The following DSCAML1 variants were observed in gnomAD, a reference collection of about 807,000 sequenced individuals.
The protein encoded by DSCAML1 is cell adhesion molecule DSCAML1.
In DSCAML1, 38 loss-of-function variants were observed where a neutral mutation model predicts 200.5. The ratio of observed to expected loss-of-function variants is 0.19; its 90% CI spans 0.15 to 0.25. DSCAML1 has a LOEUF of 0.25. Among genes scored for constraint, DSCAML1 ranks in the 10% least tolerant of loss-of-function variants. DSCAML1 has a pLI of 1.00. For missense variants in DSCAML1, 2,223 were observed against 2,858.8 expected (o/e 0.78, Z 5.07); for synonymous variants, 1,215 against 1,165.0 (o/e 1.04, Z -0.87).
chr11:117,470,095 G>T, intron 15 of DSCAML1, 115 bp from the exon 16 acceptor site: 1 of 915,200 alleles, frequency 1.1e-6, no homozygotes, highest in Non-Finnish European at 1.6e-6. Flanking sequence ...AGAAGACTAA[G>T]CTCAGATGCA....
intron 3 of DSCAML1, among the ~76,000 whole-genome samples, chr11:117,772,214 T>G (rs2055052019): frequency 6.6e-6 from 1 of 152,160 alleles, no homozygotes. Context: ...TTTGGCACCC[T>G]GGAACTCTGG....
intron 15 of DSCAML1, 66 bp downstream of exon 15, chr11:117,471,803 G>GCAAGCTCATTGCCAGTGAACAGGATGT: frequency 8.2e-7 from 1 of 1,226,134 alleles, no homozygotes; most frequent in South Asian, 2.0e-5. Flanking sequence ...GAACAGGATC[G>GCAAGCTCATTGCCAGTGAACAGGATGT]CTGTAGGCCC....
chr11:117,788,941 T>C (rs908722943), intron 1 of DSCAML1, among the ~76,000 whole-genome samples: 1 of 152,182 alleles, frequency 6.6e-6, no homozygotes. Flanking sequence ...AATTGGGGTA[T>C]GATAATTCAG....
intron 24 of DSCAML1, among the ~76,000 whole-genome samples, chr11:117,438,318 C>CA (rs1555167794): frequency 8.0e-6 from 1 of 125,308 alleles, no homozygotes; most frequent in East Asian, 6.1e-4. Flanking sequence ...GTCCAGCCCC[C>CA]GGCGGGTCTG....
At chr11:117,573,763 A>G (rs1394038083) in intron 3 of DSCAML1, among the ~76,000 whole-genome samples, 2 of 152,258 alleles carry the variant, frequency 1.3e-5, no homozygotes, top group Non-Finnish European at 2.9e-5. Flanking sequence ...AAAGGGTGGT[A>G]TCTCAAGAAG....
chr11:117,702,053 C>T (rs886535696), intron 3 of DSCAML1, among the ~76,000 whole-genome samples: 3 of 152,206 alleles, frequency 2.0e-5, no homozygotes, highest in Admixed American at 1.3e-4. Context: ...CACCCCTCCT[C>T]CCAACACCTC....
chr11:117,505,041 G>T lies in DSCAML1; in HGVS notation c.2065C>A (p.Pro689Thr), dbSNP rs1276718017. 6.2e-7 allele frequency: 1 copy of T among 1,611,302 alleles called. No homozygotes were observed. Among genetic ancestry groups the T allele is most frequent in the Non-Finnish European group, 8.5e-7 (1 of 1,178,410 alleles). Residue 689 changes from proline (P) to threonine (T), a missense_variant and splice_region_variant, in exon 10 of 33, where the codon CCC (proline) becomes ACC (threonine). By Grantham distance (38) the Pro-to-Thr change is conservative. This residue lies in a region of DSCAML1 where 212 missense variants were observed against 368.0 expected (regional missense o/e 0.58). Transcript: ENST00000651296. The surrounding 1 kb of genome is among the most constrained non-coding windows in gnomAD (Gnocchi z 6.7). ...SRERQLIVRV[P>T]PRFVVQPNNQ... ...TTGGGTTGCACCACAAATCGAGGGGGCACTGCAGAAAGAGGGAAGGTAGGG... is the reference window on the plus strand; with the variant it reads ...TTGGGTTGCACCACAAATCGAGGGGTCACTGCAGAAAGAGGGAAGGTAGGG...
chr11:117,775,584 G>A (rs2055116744), intron 3 of DSCAML1, among the ~76,000 whole-genome samples: 1 of 151,940 alleles, frequency 6.6e-6, no homozygotes, highest in Non-Finnish European at 1.5e-5. Context: ...AGTGTAAAAG[G>A]CAAATTAATG....
chr11:117,471,589 A>T (rs2048686513), intron 15 of DSCAML1, among the ~76,000 whole-genome samples: 1 of 152,208 alleles, frequency 6.6e-6, no homozygotes, highest in Non-Finnish European at 1.5e-5. Context: ...AGGCCCTAGT[A>T]CCCTATCTTG....
intron 13 of DSCAML1, 67 bp downstream of exon 13, chr11:117,481,107 T>G: frequency 6.9e-7 from 1 of 1,446,890 alleles, no homozygotes; most frequent in Non-Finnish European, 9.7e-7. Context: ...CTCTTTGAGG[T>G]GGAGTTAGCG....
intron 3 of DSCAML1, among the ~76,000 whole-genome samples, chr11:117,662,976 G>A (rs138062680): frequency 1.1e-3 from 166 of 152,218 alleles, no homozygotes; most frequent in Non-Finnish European, 1.6e-3. Context: ...TCTGGTTCCC[G>A]GATATAAGCC....
intron 3 of DSCAML1, among the ~76,000 whole-genome samples, chr11:117,717,737 T>C (rs1025596765): frequency 6.6e-5 from 10 of 152,154 alleles, no homozygotes; most frequent in Non-Finnish European, 8.8e-5. Flanking sequence ...CCAAGCCCAG[T>C]GCCTGGCACA....
At chr11:117,522,939 A>AG (rs1302217980) in intron 5 of DSCAML1, among the ~76,000 whole-genome samples, 2 of 151,942 alleles carry the variant, frequency 1.3e-5, no homozygotes, top group Admixed American at 1.3e-4. Context: ...GGGGAGGGGT[A>AG]GGGGGCTGGG....
intron 11 of DSCAML1, among the ~76,000 whole-genome samples, chr11:117,499,735 C>T (rs1344790561): frequency 6.6e-6 from 1 of 152,220 alleles, no homozygotes; most frequent in African/African-American, 2.4e-5. Context: ...GAGTTCAACC[C>T]ACACCAAGAC....
intron 3 of DSCAML1, among the ~76,000 whole-genome samples, chr11:117,732,801 CATT>C (rs901815873): frequency 3.3e-5 from 5 of 151,664 alleles, no homozygotes; most frequent in South Asian, 4.2e-4. Context: ...TTATTATTAT[CATT>C]ATTATTATTA....
chr11:117,588,260 G>C (rs1179712341), intron 3 of DSCAML1, among the ~76,000 whole-genome samples: 1 of 151,992 alleles, frequency 6.6e-6, no homozygotes, highest in African/African-American at 2.4e-5. Flanking sequence ...GGGGCTGCCT[G>C]TCTGCCAGCC....
At chr11:117,488,424 A>G (rs766304149) in intron 11 of DSCAML1, among the ~76,000 whole-genome samples, 2 of 152,172 alleles carry the variant, frequency 1.3e-5, no homozygotes, top group Non-Finnish European at 2.9e-5. Flanking sequence ...CTCTCTCTAT[A>G]TGGAGACCAG....
chr11:117,816,697 G>A (rs2077620), intron 1 of DSCAML1, among the ~76,000 whole-genome samples: 1 of 151,064 alleles, frequency 6.6e-6, no homozygotes, highest in South Asian at 2.1e-4. Context: ...TCTGTCCAGG[G>A]AGCCCACTTC....
chr11:117,723,418 T>C (rs1279017687), intron 3 of DSCAML1, among the ~76,000 whole-genome samples: 1 of 152,242 alleles, frequency 6.6e-6, no homozygotes, highest in African/African-American at 2.4e-5. Context: ...ATCCAGCTTG[T>C]GTACAAGGAT....
Sources: gnomAD v4.1 joint callset for allele counts (sites outside exome capture counted in the v4.1 genomes callset) on GRCh38, gnomAD v4.1.1 for gene constraint, gnomAD v4.1.1 regional missense constraint, Gnocchi (gnomAD v3.1) non-coding constraint, MANE v1.5 for transcripts, NCBI Gene and HGNC (gene_info 2026-07-23, HGNC 2026-07-21) for gene names.